The following RBFOX1 variants were observed in gnomAD, a reference collection of about 807,000 sequenced individuals.
The protein encoded by RBFOX1 is RNA binding fox-1 homolog 1.
RBFOX1 carries 8 observed loss-of-function variants against 57.7 expected under a neutral mutation model. The ratio of observed to expected loss-of-function variants is 0.14; its 90% CI spans 0.08 to 0.25. RBFOX1 has a LOEUF of 0.25. RBFOX1 is among the 10% of genes least tolerant of loss of function. The pLI is 1.00. For missense variants in RBFOX1, 611 were observed against 548.5 expected, an observed-to-expected ratio of 1.11 and a Z score of -1.14; for synonymous variants, 326 against 222.4, an observed-to-expected ratio of 1.47 and a Z score of -4.15.
intron 3 of RBFOX1, among the ~76,000 whole-genome samples, chr16:5,609,195 G>A (rs7191774): frequency 3.9e-5 from 6 of 151,996 alleles, no homozygotes; most frequent in Non-Finnish European, 8.8e-5. Context: ...ACTACCTGGG[G>A]CCTTCTTCCA....
In RBFOX1 at chr16:6,504,081, T is replaced by C. The variant is rs577505352; in HGVS notation, c.-63-150522T>C. Among the ~76,000 whole-genome samples the C allele has an allele frequency of 3.9e-5, 6 of 152,350 alleles. No homozygotes were observed. The East Asian group carries it at 1.2e-3, about 29-fold the overall frequency. On this transcript the variant is annotated intron_variant, in intron 2 of 15. Coordinates refer to ENST00000550418, the MANE Select transcript of RBFOX1 (RefSeq NM_018723.4). The stretch of plus-strand genomic sequence containing the variant: ...CTGATAATTTTGCTTTTTGGTTCTT[T>C]TTTGTTCCTTCAGTGAAATGGCAGC...
At chr16:7,233,439 C>G (rs1339376693) in intron 4 of RBFOX1, among the ~76,000 whole-genome samples, 1 of 152,182 alleles carries the variant, frequency 6.6e-6, no homozygotes, top group Non-Finnish European at 1.5e-5. Flanking sequence ...TTCTCTTATT[C>G]ATGAAGGCAG....
intron 3 of RBFOX1, among the ~76,000 whole-genome samples, chr16:6,746,560 C>A (rs2073704837): frequency 6.6e-6 from 1 of 151,804 alleles, no homozygotes; most frequent in East Asian, 1.9e-4. Context: ...GTCTGCAGTC[C>A]CTAGCTACCT....
At chr16:6,541,808 A>G (rs1461611564) in intron 2 of RBFOX1, among the ~76,000 whole-genome samples, 1 of 152,174 alleles carries the variant, frequency 6.6e-6, no homozygotes, top group Non-Finnish European at 1.5e-5. Flanking sequence ...TTAGTGGAAG[A>G]GGTGAGCGAA....
intron 2 of RBFOX1, among the ~76,000 whole-genome samples, chr16:5,506,079 C>G (rs909898763): frequency 2.0e-5 from 3 of 152,124 alleles, no homozygotes; most frequent in Admixed American, 6.5e-5. Context: ...ATGAGGAGCC[C>G]TTCCCTTGCC....
intron 14 of RBFOX1, among the ~76,000 whole-genome samples, chr16:7,705,017 C>T (rs942191946): frequency 2.0e-5 from 3 of 147,120 alleles, no homozygotes; most frequent in South Asian, 2.2e-4. Context: ...GCACTCCAGC[C>T]GAGGTGACAG....
intron 5 of RBFOX1, 45 bp downstream of exon 5, chr16:7,518,434 C>G: frequency 2.6e-6 from 4 of 1,561,308 alleles, no homozygotes; most frequent in Non-Finnish European, 3.5e-6. Flanking sequence ...TGGGGAGGCG[C>G]CCCCAGCCCT....
chr16:5,326,344 A>C (rs914903601), intron 1 of RBFOX1, among the ~76,000 whole-genome samples: 1 of 152,220 alleles, frequency 6.6e-6, no homozygotes, highest in African/African-American at 2.4e-5. Context: ...GGTTTACTCA[A>C]AGGTCATGTG....
At chr16:6,959,582 G>T (rs1008134115) in intron 3 of RBFOX1, among the ~76,000 whole-genome samples, 1 of 152,050 alleles carries the variant, frequency 6.6e-6, no homozygotes, top group African/African-American at 2.4e-5. Flanking sequence ...TCTCCCTCAA[G>T]GCTGAACAGG....
chr16:6,865,194 G>A lies in RBFOX1; in HGVS notation c.-15-186863G>A, dbSNP rs547458868. 9.9e-5 allele frequency among the ~76,000 whole-genome samples: 15 copies of A among 151,652 alleles called. No homozygotes were observed. In the South Asian group the frequency reaches 2.9e-3, roughly 30 times the overall value. On this transcript the variant is annotated intron_variant, in intron 3 of 15. Coordinates refer to ENST00000550418, the MANE Select transcript of RBFOX1 (RefSeq NM_018723.4). ...ATTTTTGTACTTTTAGTAGAGATGG[G>A]GTTTTGCCATGTTGGCCAGGCTGGT... is the stretch of plus-strand genomic sequence containing the variant.
chr16:7,466,253 G>A lies in RBFOX1; in HGVS notation c.28-51894G>A, dbSNP rs1195572514. ...CCTTACAGCTCTACTCTGAAGTATT[G>A]TACGTACAGTTAATGTCATTGCTGT... On this transcript the variant is annotated intron_variant, in intron 4 of 15. Transcript: ENST00000550418. Among the ~76,000 whole-genome samples, 5 of 152,164 alleles carry A rather than the reference G, an allele frequency of 3.3e-5. No homozygotes were observed. The East Asian group carries it at 9.6e-4, about 29-fold the overall frequency.
chr16:6,634,502 A>T (rs1256553696), intron 2 of RBFOX1, among the ~76,000 whole-genome samples: 1 of 149,340 alleles, frequency 6.7e-6, no homozygotes, highest in East Asian at 1.9e-4. Context: ...ATAATATTAT[A>T]TCCATTTAAT....
At chr16:7,197,830 G>C (rs987250014) in intron 4 of RBFOX1, among the ~76,000 whole-genome samples, 6 of 152,070 alleles carry the variant, frequency 3.9e-5, no homozygotes, top group Non-Finnish European at 7.4e-5. Flanking sequence ...AAGGTCACAT[G>C]TTATTCCATT....
At chr16:5,907,043 G>A (rs553888285) in intron 4 of RBFOX1, among the ~76,000 whole-genome samples, 1 of 152,102 alleles carries the variant, frequency 6.6e-6, no homozygotes, top group East Asian at 1.9e-4. Flanking sequence ...GGCCCATCTG[G>A]GGGATTTTAA....
chr16:6,483,900 C>A, intron 2 of RBFOX1: 1 of 1,132,514 alleles, frequency 8.8e-7, no homozygotes, highest in South Asian at 2.5e-5. Context: ...GTTTGCAGCG[C>A]GTGAATGGGA....
intron 4 of RBFOX1, among the ~76,000 whole-genome samples, chr16:7,235,607 C>A (rs569891753): frequency 6.6e-6 from 1 of 152,170 alleles, no homozygotes; most frequent in Non-Finnish European, 1.5e-5. Context: ...AATTGATGGG[C>A]AGCCATATCT....
At chr16:5,989,106 G>A (rs1284127821) in intron 4 of RBFOX1, among the ~76,000 whole-genome samples, 1 of 151,544 alleles carries the variant, frequency 6.6e-6, no homozygotes, top group East Asian at 1.9e-4. Flanking sequence ...GGATCACGAG[G>A]TCAAGGGATC....
chr16:7,667,032 A>G (rs78823600), intron 13 of RBFOX1, among the ~76,000 whole-genome samples: 3,955 of 152,074 alleles, frequency 0.026, 83 homozygotes, highest in Non-Finnish European at 0.04. Context: ...CGTTTTCCCC[A>G]CTCTTTATAT....
At chr16:7,270,167 G>A (rs1297423211) in intron 4 of RBFOX1, among the ~76,000 whole-genome samples, 3 of 152,224 alleles carry the variant, frequency 2.0e-5, no homozygotes, top group Non-Finnish European at 2.9e-5. Flanking sequence ...GGAACCTTGA[G>A]TCTGAGCCTT....
Sources: allele counts gnomAD v4.1 joint callset (sites outside exome capture counted in the v4.1 genomes callset), GRCh38; gene constraint gnomAD v4.1.1; transcripts MANE v1.5; gene names NCBI Gene and HGNC (gene_info 2026-07-23, HGNC 2026-07-21).